The following DIAPH2 variants were observed in gnomAD, a reference collection of about 807,000 sequenced individuals.
DIAPH2 encodes protein diaphanous homolog 2.
Under a neutral mutation model 92.7 loss-of-function variants are expected in DIAPH2, and 35 were observed. The ratio of observed to expected loss-of-function variants is 0.38; its 90% CI spans 0.29 to 0.50. The LOEUF is 0.50. Ranked by LOEUF, DIAPH2 falls within the 20% of genes least tolerant of loss-of-function variation. DIAPH2 has a pLI of 0.94. For missense variants in DIAPH2, 701 were observed against 819.5 expected (o/e 0.86, Z 1.77); for synonymous variants, 301 against 280.4 (o/e 1.07, Z -0.73).
At chrX:97,028,435 C>A (rs908927306) in intron 17 of DIAPH2, among the ~76,000 whole-genome samples, 17 of 111,586 alleles carry the variant, frequency 1.5e-4, no homozygotes, top group African/African-American at 4.9e-4. Context: ...GAAACCTGTA[C>A]CCATTAGCAG....
chrX:97,161,916 A>G (rs1010220104), intron 22 of DIAPH2, among the ~76,000 whole-genome samples: 3 of 111,670 alleles, frequency 2.7e-5, no homozygotes, highest in Non-Finnish European at 5.6e-5. Flanking sequence ...TTACTTCTGT[A>G]ACATTATAGT....
chrX:97,235,946 G>A (rs1294670428), intron 22 of DIAPH2, among the ~76,000 whole-genome samples: 1 of 111,015 alleles, frequency 9.0e-6, no homozygotes, highest in Non-Finnish European at 1.9e-5. Flanking sequence ...CTTATTTCAG[G>A]GCATATAGTA....
chrX:97,187,442 A>G (rs1280873318), intron 22 of DIAPH2, among the ~76,000 whole-genome samples: 1 of 107,211 alleles, frequency 9.3e-6, no homozygotes, highest in Non-Finnish European at 1.9e-5. Flanking sequence ...TGCCCAGCTA[A>G]TTTTTGTATT....
chrX:97,271,813 G>GCACACACACACACACA (rs780653047), intron 23 of DIAPH2, among the ~76,000 whole-genome samples: 1 of 91,542 alleles, frequency 1.1e-5, no homozygotes, highest in Non-Finnish European at 2.1e-5. Flanking sequence ...ATATATATAT[G>GCACACACACACACACA]CACACACACA....
intron 26 of DIAPH2, among the ~76,000 whole-genome samples, chrX:97,515,519 C>A (rs1382094966): frequency 1.8e-5 from 2 of 112,176 alleles, no homozygotes; most frequent in Non-Finnish European, 3.8e-5. Flanking sequence ...TCCTATTCAG[C>A]CATCTTGGCT....
chrX:97,131,373 T>C (rs915561840), intron 21 of DIAPH2, among the ~76,000 whole-genome samples: 3 of 111,813 alleles, frequency 2.7e-5, no homozygotes, highest in Non-Finnish European at 5.6e-5. Flanking sequence ...ATATTCTGTG[T>C]CTTAGACCTT....
chrX:97,556,307 G>A (rs1407007403), intron 26 of DIAPH2, among the ~76,000 whole-genome samples: 2 of 111,932 alleles, frequency 1.8e-5, no homozygotes, highest in African/African-American at 6.5e-5. Context: ...CCTCTGTTAA[G>A]TTGTTCATCA....
rs895605470 is a variant in DIAPH2 at position 97,602,092 on chromosome X, G to C, written c.*2775G>C. 6.3e-5 allele frequency: 7 copies of C among 111,818 alleles called. No individual in the cohort carries two copies. Among genetic ancestry groups the C allele is most frequent in the Non-Finnish European group, 1.3e-4 (7 of 53,151 alleles). 9.2% of individuals were successfully genotyped at this position (111,818 alleles called of 1,213,427 possible). A position where few individuals can be genotyped will look rare whatever the true frequency, so the allele number is the denominator to read the frequency against. ...GTCTTAACTTAATTACATCTGCAAG[G>C]CCCCCTTCTCCAAATAAGATAAATT... On this transcript the variant is annotated 3_prime_UTR_variant, in exon 27 of 27. Transcript: ENST00000324765.
At chrX:96,729,021 G>T (rs188096882) in intron 1 of DIAPH2, among the ~76,000 whole-genome samples, 8 of 112,322 alleles carry the variant, frequency 7.1e-5, no homozygotes, top group Non-Finnish European at 1.5e-4. Flanking sequence ...AGGGAGACAT[G>T]AGACATCAAT....
intron 4 of DIAPH2, among the ~76,000 whole-genome samples, chrX:96,818,726 A>G (rs888280371): frequency 2.7e-5 from 3 of 111,995 alleles, no homozygotes; most frequent in Non-Finnish European, 5.6e-5. Context: ...CTGATTTGTT[A>G]TTTGTTTTTG....
intron 22 of DIAPH2, among the ~76,000 whole-genome samples, chrX:97,171,797 AGGCGTTGGGGCG>A (rs1336967749): frequency 9.0e-6 from 1 of 110,757 alleles, no homozygotes; most frequent in African/African-American, 3.3e-5. Context: ...AAAATCAGCC[AGGCGTTGGGGCG>A]GGCGCCTGTA....
chrX:97,419,839 C>A (rs1045595499), intron 25 of DIAPH2, among the ~76,000 whole-genome samples: 1 of 112,144 alleles, frequency 8.9e-6, no homozygotes, highest in African/African-American at 3.2e-5. Context: ...TTTGGTACAT[C>A]ATTTTGAATT....
At chrX:97,401,696 C>G (rs1472476051) in intron 25 of DIAPH2, among the ~76,000 whole-genome samples, 1 of 111,675 alleles carries the variant, frequency 9.0e-6, no homozygotes, top group Non-Finnish European at 1.9e-5. Flanking sequence ...GGTAAGGGGA[C>G]AGCAATCCAT....
intron 4 of DIAPH2, among the ~76,000 whole-genome samples, chrX:96,783,026 G>A (rs572586142): frequency 6.4e-4 from 72 of 112,168 alleles, no homozygotes; most frequent in African/African-American, 2.1e-3. Flanking sequence ...GGATTATTCA[G>A]TATTAATCAT....
At chrX:97,335,117 T>C (rs1481145035) in intron 23 of DIAPH2, among the ~76,000 whole-genome samples, 1 of 110,423 alleles carries the variant, frequency 9.1e-6, no homozygotes, top group Admixed American at 9.8e-5. Flanking sequence ...TTGGTCTCCC[T>C]GAGGCTAATT....
At chrX:97,409,579 C>T (rs1049160664) in intron 25 of DIAPH2, among the ~76,000 whole-genome samples, 27 of 111,497 alleles carry the variant, frequency 2.4e-4, no homozygotes, top group Non-Finnish European at 4.0e-4. Flanking sequence ...TCACCTCACC[C>T]GGGAAGCACA....
At chrX:96,981,605 T>C (rs1293429094) in intron 17 of DIAPH2, among the ~76,000 whole-genome samples, 3 of 112,064 alleles carry the variant, frequency 2.7e-5, no homozygotes, top group Non-Finnish European at 5.6e-5. Flanking sequence ...TTTTCTACCC[T>C]ATACAGTAGG....
intron 3 of DIAPH2, among the ~76,000 whole-genome samples, chrX:96,750,645 A>T (rs937499115): frequency 1.4e-4 from 16 of 112,162 alleles, no homozygotes; most frequent in African/African-American, 4.9e-4. Context: ...AATTGTTCTA[A>T]CGGTGACACA....
At chrX:96,685,646 CAAG>C (rs1384652474) in intron 1 of DIAPH2, among the ~76,000 whole-genome samples, 8 of 112,223 alleles carry the variant, frequency 7.1e-5, no homozygotes, top group African/African-American at 1.6e-4. Flanking sequence ...CTTCGCAAAT[CAAG>C]AAGAACACTA....
Sources: allele counts gnomAD v4.1 joint callset (sites outside exome capture counted in the v4.1 genomes callset), GRCh38; gene constraint gnomAD v4.1.1; transcripts MANE v1.5; gene names NCBI Gene and HGNC (gene_info 2026-07-23, HGNC 2026-07-21).